PHACTR1: variants seen among roughly 807,000 people sequenced by gnomAD.
PHACTR1 encodes RPEL repeat containing 1.
In PHACTR1, 16 loss-of-function variants were observed where a neutral mutation model predicts 69.2. The observed-to-expected ratio is 0.23, with a 90% CI of 0.16 to 0.35. PHACTR1 has a LOEUF of 0.35. PHACTR1 is among the 10% of genes least tolerant of loss of function. The pLI, the probability that PHACTR1 is intolerant of heterozygous loss-of-function variation, is 1.00. For synonymous variants in PHACTR1, 312 were observed against 284.5 expected, an observed-to-expected ratio of 1.10 and a Z score of -0.97; for missense variants, 510 against 734.7, an observed-to-expected ratio of 0.69 and a Z score of 3.54.
intron 4 of PHACTR1, among the ~76,000 whole-genome samples, chr6:12,967,509 C>A (rs998863639): frequency 6.6e-6 from 1 of 152,216 alleles, no homozygotes; most frequent in Non-Finnish European, 1.5e-5. Context: ...TGCTGAACTA[C>A]ACTGAAACCA....
At chr6:12,822,313 C>G (rs892654349) in intron 4 of PHACTR1, among the ~76,000 whole-genome samples, 13 of 152,214 alleles carry the variant, frequency 8.5e-5, no homozygotes, top group African/African-American at 3.1e-4. Context: ...GAGTCCCCAA[C>G]AGGGAGAACC....
intron 6 of PHACTR1, among the ~76,000 whole-genome samples, chr6:13,177,390 T>TAC (rs1761513666): frequency 6.7e-6 from 1 of 148,400 alleles, no homozygotes; most frequent in South Asian, 2.1e-4. Flanking sequence ...TCTATATATA[T>TAC]ATACACACAC....
intron 4 of PHACTR1, among the ~76,000 whole-genome samples, chr6:13,007,948 T>C (rs1196048734): frequency 1.3e-5 from 2 of 152,180 alleles, no homozygotes; most frequent in East Asian, 1.9e-4. Context: ...GAAGTAAAAC[T>C]ACTTTCCATT....
At chr6:12,760,072 T>A (rs1408381104) in intron 4 of PHACTR1, among the ~76,000 whole-genome samples, 3 of 152,202 alleles carry the variant, frequency 2.0e-5, no homozygotes, top group Non-Finnish European at 2.9e-5. Flanking sequence ...ATAGTGAGTG[T>A]TTGTTAGCAC....
chr6:12,868,895 T>A (rs890933478), intron 4 of PHACTR1, among the ~76,000 whole-genome samples: 2 of 152,160 alleles, frequency 1.3e-5, no homozygotes, highest in Non-Finnish European at 2.9e-5. Context: ...CAATTCTGCT[T>A]GGAATTCCAA....
chr6:12,781,602 G>A (rs1250634811), intron 4 of PHACTR1, among the ~76,000 whole-genome samples: 1 of 152,198 alleles, frequency 6.6e-6, no homozygotes, highest in Admixed American at 6.5e-5. Flanking sequence ...ATCCACGGGG[G>A]CTTAATGAAA....
At chr6:13,144,611 T>C (rs1400895370) in intron 5 of PHACTR1, among the ~76,000 whole-genome samples, 1 of 151,560 alleles carries the variant, frequency 6.6e-6, no homozygotes. Context: ...CTAAAATATG[T>C]GTGAATTAGC....
At chr6:13,265,392 C>T (rs934743028) in intron 10 of PHACTR1, among the ~76,000 whole-genome samples, 3 of 152,110 alleles carry the variant, frequency 2.0e-5, no homozygotes, top group Non-Finnish European at 4.4e-5. Context: ...GCAAAAATGG[C>T]AGCTGGGGTA....
intron 4 of PHACTR1, among the ~76,000 whole-genome samples, chr6:12,926,004 C>T (rs1330881528): frequency 3.9e-5 from 6 of 152,110 alleles, no homozygotes; most frequent in African/African-American, 1.4e-4. Flanking sequence ...GTCTATATTC[C>T]GTCTTCCACG....
chr6:12,847,792 T>G (rs1482486139), intron 4 of PHACTR1, among the ~76,000 whole-genome samples: 2 of 152,180 alleles, frequency 1.3e-5, no homozygotes, highest in South Asian at 4.1e-4. Context: ...GGAAAACAGC[T>G]AATATATCTT....
chr6:12,879,844 G>A (rs1186969048), intron 4 of PHACTR1, among the ~76,000 whole-genome samples: 1 of 152,006 alleles, frequency 6.6e-6, no homozygotes, highest in African/African-American at 2.4e-5. Flanking sequence ...AAACAACAAG[G>A]GATGAATCAG....
chr6:12,774,464 T>C (rs1769779231), intron 4 of PHACTR1, among the ~76,000 whole-genome samples: 2 of 152,172 alleles, frequency 1.3e-5, no homozygotes, highest in South Asian at 4.1e-4. Context: ...CAATCTTGGC[T>C]CACTGCACCC....
chr6:13,225,083 C>A (rs367603584), intron 8 of PHACTR1, among the ~76,000 whole-genome samples: 2 of 152,202 alleles, frequency 1.3e-5, no homozygotes, highest in South Asian at 2.1e-4. Flanking sequence ...CAGCTAACTT[C>A]TATACTCTCC....
chr6:12,845,433 C>CG lies in PHACTR1; in HGVS notation c.250+95643_250+95644insG, dbSNP rs1561938852. Among the ~76,000 whole-genome samples the CG allele has an allele frequency of 7.6e-5, 4 of 52,976 alleles. 1 individual carries two copies. Among genetic ancestry groups the CG allele is most frequent in the African/African-American group, 2.5e-4 (4 of 16,170 alleles). The allele number at this position is 52,976 out of a possible 152,430, so 34.8% of individuals were successfully genotyped here. On this transcript the variant is annotated intron_variant, in intron 4 of 14. Transcript: ENST00000332995. ...ATGTCATTGTGAACACCACCCACCC[C>CG]CCCCCCCCCCGCCCTCCGTGCTGGG...
intron 5 of PHACTR1, among the ~76,000 whole-genome samples, chr6:13,080,687 G>A (rs1811230376): frequency 6.6e-6 from 1 of 152,092 alleles, no homozygotes; most frequent in African/African-American, 2.4e-5. Context: ...TGCTGTCTGT[G>A]ACAAATAAAT....
intron 4 of PHACTR1, among the ~76,000 whole-genome samples, chr6:12,844,740 T>TA (rs552387230): frequency 1.3e-4 from 20 of 148,752 alleles, no homozygotes; most frequent in Admixed American, 4.1e-4. Context: ...AGGAAAGAAT[T>TA]AAAGGTGAAA....
chr6:13,102,400 G>T (rs1407279946), intron 5 of PHACTR1, among the ~76,000 whole-genome samples: 1 of 152,032 alleles, frequency 6.6e-6, no homozygotes, highest in Non-Finnish European at 1.5e-5. Flanking sequence ...TCTGAAATTT[G>T]GAATATTTTC....
At chr6:12,862,422 G>T (rs1781033692) in intron 4 of PHACTR1, among the ~76,000 whole-genome samples, 1 of 152,120 alleles carries the variant, frequency 6.6e-6, no homozygotes, top group Non-Finnish European at 1.5e-5. Context: ...AGATCTGGGA[G>T]ACTGTGAGGA....
At chr6:13,234,103 G>T (rs1455518840) in intron 10 of PHACTR1, among the ~76,000 whole-genome samples, 1 of 152,210 alleles carries the variant, frequency 6.6e-6, no homozygotes, top group Non-Finnish European at 1.5e-5. Flanking sequence ...ATTCCCTTTA[G>T]AACTGAGAGC....
Sources: allele counts gnomAD v4.1 joint callset (sites outside exome capture counted in the v4.1 genomes callset), GRCh38; gene constraint gnomAD v4.1.1; transcripts MANE v1.5; gene names NCBI Gene and HGNC (gene_info 2026-07-23, HGNC 2026-07-21).